The following DLGAP2 variants were observed in gnomAD, a reference collection of about 807,000 sequenced individuals.
DLGAP2 encodes the protein disks large-associated protein 2.
Under a neutral mutation model 100.3 loss-of-function variants are expected in DLGAP2, and 26 were observed. The ratio of observed to expected loss-of-function variants is 0.26; its 90% CI spans 0.19 to 0.36. The LOEUF is 0.36. Among genes scored for constraint, DLGAP2 ranks in the 10% least tolerant of loss-of-function variants. The pLI is 1.00. For missense variants in DLGAP2, 1,858 were observed against 1,453.2 expected, an observed-to-expected ratio of 1.28 and a Z score of -4.53; for synonymous variants, 886 against 630.1, an observed-to-expected ratio of 1.41 and a Z score of -6.08.
intron 1 of DLGAP2, among the ~76,000 whole-genome samples, chr8:821,601 C>G (rs1321257450): frequency 6.6e-6 from 1 of 152,128 alleles, no homozygotes; most frequent in Non-Finnish European, 1.5e-5. Context: ...TTTTTGTCTC[C>G]TGGAAAGAAA....
chr8:897,849 TC>T (rs1379857613), intron 1 of DLGAP2, among the ~76,000 whole-genome samples: 1 of 152,044 alleles, frequency 6.6e-6, no homozygotes, highest in African/African-American at 2.4e-5. Flanking sequence ...GTTGGCTCCT[TC>T]CCCCAGGGCT....
intron 3 of DLGAP2, among the ~76,000 whole-genome samples, chr8:1,440,481 C>T (rs933059680): frequency 6.6e-6 from 1 of 152,206 alleles, no homozygotes; most frequent in Non-Finnish European, 1.5e-5. Context: ...ACACTAGAAG[C>T]TCTTGAGCCA....
At chr8:795,681 A>AGGCGTCCAGTGAGAGCT (rs1237214830) in intron 1 of DLGAP2, among the ~76,000 whole-genome samples, 4 of 149,874 alleles carry the variant, frequency 2.7e-5, no homozygotes, top group African/African-American at 9.9e-5. Context: ...CAGTGAGAAC[A>AGGCGTCCAGTGAGAGCT]GGCGTCCAGT....
At chr8:1,422,287 A>G (rs1040928571) in intron 3 of DLGAP2, among the ~76,000 whole-genome samples, 2 of 152,320 alleles carry the variant, frequency 1.3e-5, no homozygotes, top group Middle Eastern at 3.4e-3. Flanking sequence ...GAAAAATGTC[A>G]TTCTAGTTTT....
chr8:1,128,143 G>T (rs377425059), intron 2 of DLGAP2, among the ~76,000 whole-genome samples: 43 of 147,564 alleles, frequency 2.9e-4, no homozygotes, highest in Non-Finnish European at 6.0e-5. Flanking sequence ...TGTTGTGTTC[G>T]GTGAGGACCT....
chr8:1,478,421 G>A (rs534207368), intron 3 of DLGAP2, among the ~76,000 whole-genome samples: 3 of 152,290 alleles, frequency 2.0e-5, no homozygotes, highest in Admixed American at 1.3e-4. Flanking sequence ...GGAGCTCCTC[G>A]CGGTGTGAAG....
Position 1,549,481 on chromosome 8 carries a change from C to A in DLGAP2, c.1028C>A (p.Ser343Tyr). Reference sequence around the variant, plus strand: ...TTCGGGGACCTGTCCCTCAAGACCTCCAAGAGCAACAACGACGTCAAGTGC... The same window carrying A: ...TTCGGGGACCTGTCCCTCAAGACCTACAAGAGCAACAACGACGTCAAGTGC... ...SPFGDLSLKT[S>Y]KSNNDVKCSA... Residue 343 changes from serine (S) to tyrosine (Y), a missense_variant, in exon 5 of 15, where the codon TCC becomes TAC. Coordinates refer to ENST00000637795, the MANE Select transcript of DLGAP2 (RefSeq NM_001346810.2). 1 of 1,613,548 alleles carries A rather than the reference C, an allele frequency of 6.2e-7. No homozygotes were observed. The highest frequency in any genetic ancestry group is 8.5e-7 in the Non-Finnish European group (1 of 1,179,828).
intron 6 of DLGAP2, chr8:1,621,151 T>C (rs946039406): frequency 6.6e-6 from 1 of 152,268 alleles, no homozygotes; most frequent in Non-Finnish European, 1.5e-5. Flanking sequence ...AGGTGCCTTA[T>C]TAAGATGCCT....
chr8:1,337,400 T>TGGTGAG (rs1554445565), intron 3 of DLGAP2, among the ~76,000 whole-genome samples: 1 of 188 alleles, frequency 5.3e-3, no homozygotes. Context: ...AGGATGATGG[T>TGGTGAG]GATGATGGTG....
intron 6 of DLGAP2, among the ~76,000 whole-genome samples, chr8:1,623,319 GT>G (rs1797396249): frequency 6.6e-6 from 1 of 152,148 alleles, no homozygotes; most frequent in Non-Finnish European, 1.5e-5. Flanking sequence ...CCTGGCACCA[GT>G]GTGTGATGAC....
chr8:1,127,908 C>T (rs911266407), intron 2 of DLGAP2, among the ~76,000 whole-genome samples: 3 of 152,190 alleles, frequency 2.0e-5, no homozygotes, highest in African/African-American at 7.2e-5. Context: ...CTTTCCTATT[C>T]CGGATCTTTC....
chr8:1,457,348 C>T (rs936266947), intron 3 of DLGAP2, among the ~76,000 whole-genome samples: 3 of 152,206 alleles, frequency 2.0e-5, no homozygotes, highest in Non-Finnish European at 2.9e-5. Flanking sequence ...TAGATTTCTT[C>T]ATTGTTCCTG....
intron 2 of DLGAP2, among the ~76,000 whole-genome samples, chr8:1,190,833 A>C (rs1797618133): frequency 6.6e-6 from 1 of 152,004 alleles, no homozygotes; most frequent in Non-Finnish European, 1.5e-5. Flanking sequence ...ACCCAAGACC[A>C]GAGCCCAGGC....
intron 4 of DLGAP2, among the ~76,000 whole-genome samples, chr8:1,513,347 G>A (rs935255430): frequency 1.3e-5 from 2 of 151,716 alleles, no homozygotes; most frequent in African/African-American, 2.4e-5. Flanking sequence ...CAGCTCCAGG[G>A]AGGCTCGGTG....
chr8:995,445 C>A (rs373463362), intron 2 of DLGAP2, among the ~76,000 whole-genome samples: 1 of 152,168 alleles, frequency 6.6e-6, no homozygotes, highest in African/African-American at 2.4e-5. Flanking sequence ...TCCACACAAT[C>A]AAAAACCAAG....
chr8:1,458,820 C>T (rs1798391888), intron 3 of DLGAP2, among the ~76,000 whole-genome samples: 2 of 152,184 alleles, frequency 1.3e-5, no homozygotes, highest in Middle Eastern at 3.2e-3. Flanking sequence ...AGAAGGCAGC[C>T]GCACAGGGTG....
chr8:1,328,486 G>T (rs993331629), intron 3 of DLGAP2, among the ~76,000 whole-genome samples: 1 of 151,636 alleles, frequency 6.6e-6, no homozygotes, highest in East Asian at 1.9e-4. Flanking sequence ...ATTTGTGTGT[G>T]TTTTTTTGTT....
chr8:843,391 C>T (rs550885518), intron 1 of DLGAP2, among the ~76,000 whole-genome samples: 9 of 152,292 alleles, frequency 5.9e-5, no homozygotes, highest in African/African-American at 1.9e-4. Flanking sequence ...CAGGAGTTCA[C>T]GGGGGCTGTC....
chr8:1,302,889 G>C (rs7018060), intron 3 of DLGAP2, among the ~76,000 whole-genome samples: 49,964 of 152,110 alleles, frequency 0.33, 8,483 homozygotes, highest in South Asian at 0.35. Context: ...TTTCCAAAAC[G>C]TCTGGCTGTA....
Sources: allele counts gnomAD v4.1 joint callset (sites outside exome capture counted in the v4.1 genomes callset), GRCh38; gene constraint gnomAD v4.1.1; transcripts MANE v1.5; gene names NCBI Gene and HGNC (gene_info 2026-07-23, HGNC 2026-07-21).